LDLRAD3: variants seen among roughly 807,000 people sequenced by gnomAD.
LDLRAD3 encodes low density lipoprotein receptor class A domain containing 3.
Under a neutral mutation model 29.4 loss-of-function variants are expected in LDLRAD3, and 20 were observed. The ratio of observed to expected loss-of-function variants is 0.68; its 90% confidence interval spans 0.48 to 0.99. The LOEUF (loss-of-function observed/expected upper bound fraction) is 0.99, where lower values mean the gene tolerates loss of function less well. Ranked by LOEUF, LDLRAD3 falls within the 50% of genes least tolerant of loss-of-function variation. The pLI is 0.00. For synonymous variants in LDLRAD3, 157 were observed against 192.7 expected, an observed-to-expected ratio of 0.81 and a Z score of 1.53; for missense variants, 420 against 454.3, an observed-to-expected ratio of 0.92 and a Z score of 0.69.
At chr11:36,001,384 T>C (rs1272159347) in intron 1 of LDLRAD3, among the ~76,000 whole-genome samples, 1 of 152,198 alleles carries the variant, frequency 6.6e-6, no homozygotes, top group African/African-American at 2.4e-5. Context: ...ATATGTAAAA[T>C]ATCTATTATA....
chr11:36,030,655 T>A (rs1371186449), intron 1 of LDLRAD3, among the ~76,000 whole-genome samples: 1 of 152,190 alleles, frequency 6.6e-6, no homozygotes, highest in African/African-American at 2.4e-5. Context: ...TACCTATGTA[T>A]GGGTGTCTGT....
At chr11:36,173,293 C>T (rs897562968) in intron 4 of LDLRAD3, among the ~76,000 whole-genome samples, 1 of 150,788 alleles carries the variant, frequency 6.6e-6, no homozygotes, top group Non-Finnish European at 1.5e-5. Context: ...CCCATTAACT[C>T]GTCATTTACA....
At chr11:35,959,721 C>T (rs263084) in intron 1 of LDLRAD3, among the ~76,000 whole-genome samples, 2 of 151,822 alleles carry the variant, frequency 1.3e-5, no homozygotes, top group African/African-American at 2.4e-5. Context: ...CAGGAGTTCG[C>T]GACCAGCCTG....
intron 4 of LDLRAD3, among the ~76,000 whole-genome samples, chr11:36,142,650 TGGTGCACCC>T (rs924335337): frequency 3.4e-4 from 52 of 152,202 alleles, no homozygotes; most frequent in Admixed American, 9.8e-4. Context: ...GGAGGGGCAG[TGGTGCACCC>T]GGTGCAGCCG....
chr11:36,011,982 G>A (rs1004004555), intron 1 of LDLRAD3, among the ~76,000 whole-genome samples: 12 of 152,084 alleles, frequency 7.9e-5, no homozygotes, highest in South Asian at 2.1e-4. Context: ...AGGCAGGTAC[G>A]GTCATAGAAG....
intron 4 of LDLRAD3, among the ~76,000 whole-genome samples, chr11:36,122,465 C>T (rs1487253184): frequency 2.0e-5 from 3 of 152,226 alleles, no homozygotes; most frequent in Admixed American, 6.5e-5. Flanking sequence ...AGTGTAATAA[C>T]GTTGGTAAAG....
rs181317208 is a variant in LDLRAD3 at position 36,052,376 on chromosome 11, A to G, written c.193+16127A>G. Among the ~76,000 whole-genome samples the G allele has an allele frequency of 2.2e-4, 34 of 152,308 alleles. No individual in the cohort carries two copies. The East Asian group carries it at 2.7e-3, about 12-fold the overall frequency. ...CTTGTTGCAATGCCCATGAGAGGAG[A>G]TGACTTTATCTGAGCCAGAAATGAA... On this transcript the variant is annotated intron_variant, in intron 2 of 5. Coordinates refer to ENST00000315571, the MANE Select transcript of LDLRAD3 (RefSeq NM_174902.4).
intron 4 of LDLRAD3, among the ~76,000 whole-genome samples, chr11:36,195,960 T>G (rs754982413): frequency 6.6e-6 from 1 of 151,660 alleles, no homozygotes; most frequent in Non-Finnish European, 1.5e-5. Context: ...AAGCATCACC[T>G]GATTCAAGGA....
chr11:36,039,954 T>A lies in LDLRAD3; in HGVS notation c.193+3705T>A, dbSNP rs141684366. Among the ~76,000 whole-genome samples the A allele has an allele frequency of 2.2e-4, 33 of 152,334 alleles. No homozygotes were observed. The East Asian group carries it at 6.0e-3, about 28-fold the overall frequency. On this transcript the variant is annotated intron_variant, in intron 2 of 5. Coordinates refer to ENST00000315571, the MANE Select transcript of LDLRAD3 (RefSeq NM_174902.4). ...ACCAACTTGACCACCTTTTCAAGGATGATGGAAACGGCTGATGTGGAATTT... is the reference window on the plus strand; with the variant it reads ...ACCAACTTGACCACCTTTTCAAGGAAGATGGAAACGGCTGATGTGGAATTT...
chr11:35,947,516 A>G (rs7936527), intron 1 of LDLRAD3, among the ~76,000 whole-genome samples: 34,154 of 151,790 alleles, frequency 0.23, 3,965 homozygotes, highest in East Asian at 0.37. Flanking sequence ...AAAAAAAAGA[A>G]AAAAGAATTG....
At chr11:36,123,581 C>G (rs561572377) in intron 4 of LDLRAD3, among the ~76,000 whole-genome samples, 11 of 152,370 alleles carry the variant, frequency 7.2e-5, no homozygotes, top group Admixed American at 3.9e-4. Flanking sequence ...TATTCTATCT[C>G]CAGCCAGAGA....
intron 4 of LDLRAD3, among the ~76,000 whole-genome samples, chr11:36,104,126 C>T (rs1257725262): frequency 6.6e-6 from 1 of 152,194 alleles, no homozygotes; most frequent in Non-Finnish European, 1.5e-5. Context: ...AGCTCTCTCC[C>T]ACTCTTGAGG....
intron 4 of LDLRAD3, among the ~76,000 whole-genome samples, chr11:36,195,668 C>T (rs1855022275): frequency 6.6e-6 from 1 of 152,112 alleles, no homozygotes. Flanking sequence ...AGACTTGTGC[C>T]TGTGTATATT....
intron 2 of LDLRAD3, among the ~76,000 whole-genome samples, chr11:36,054,580 T>C (rs1434272755): frequency 1.3e-5 from 2 of 152,248 alleles, no homozygotes; most frequent in Non-Finnish European, 2.9e-5. Context: ...AGGATTGACA[T>C]CACCCAGTTC....
At chr11:35,957,409 A>G (rs1016675879) in intron 1 of LDLRAD3, among the ~76,000 whole-genome samples, 1 of 152,186 alleles carries the variant, frequency 6.6e-6, no homozygotes, top group Admixed American at 6.5e-5. Context: ...ATCCTTGTCT[A>G]TATGTAGGAG....
chr11:36,212,079 G>A (rs1029183414), intron 4 of LDLRAD3, among the ~76,000 whole-genome samples: 3 of 152,196 alleles, frequency 2.0e-5, no homozygotes, highest in African/African-American at 7.2e-5. Context: ...GTTCTTTAGA[G>A]CCTTCCTTAT....
Position 36,229,148 on chromosome 11 carries a change from TC to T in LDLRAD3, c.801-8del. The T allele has an allele frequency of 6.3e-7, 1 of 1,594,226 alleles. No homozygotes were observed. The highest frequency in any genetic ancestry group is 8.6e-7 in the Non-Finnish European group (1 of 1,162,236). On this transcript the variant is annotated splice_polypyrimidine_tract_variant and intron_variant, in intron 5 of 5. Transcript: ENST00000315571. ...CTCCATTGCCCCTGCCCCCCTGCTGTCCCCATCACAGGCCTGCGTGGTATGA... is the reference window on the plus strand; with the variant it reads ...CTCCATTGCCCCTGCCCCCCTGCTGTCCCATCACAGGCCTGCGTGGTATGA...
At position 36,229,234 on chromosome 11, in the gene LDLRAD3, C is replaced by A. The variant is rs202242031; in HGVS notation, c.875C>A (p.Pro292His). 3 of 1,614,024 alleles carry A rather than the reference C, an allele frequency of 1.9e-6. No individual in the cohort carries two copies. The highest frequency in any genetic ancestry group is 2.5e-6 in the Non-Finnish European group (3 of 1,180,034). Residue 292 changes from proline (P) to histidine (H), a missense_variant, in exon 6 of 6, where the codon CCC (proline) becomes CAC (histidine). By Grantham distance (77) the Pro-to-His change is moderately conservative. This residue lies in a region of LDLRAD3 where 140 missense variants were observed against 139.9 expected (regional missense o/e 1.00). Coordinates refer to ENST00000315571, the MANE Select transcript of LDLRAD3 (RefSeq NM_174902.4). ...TCTCTGAACCAAGCCGACCTGCCCCCCTACCGCTCCCGGTCCGGGAGTGCC... is the reference window on the plus strand; with the variant it reads ...TCTCTGAACCAAGCCGACCTGCCCCACTACCGCTCCCGGTCCGGGAGTGCC... ...TESLNQADLP[P>H]YRSRSGSANS...
chr11:36,156,585 C>T (rs965014245), intron 4 of LDLRAD3, among the ~76,000 whole-genome samples: 1 of 152,224 alleles, frequency 6.6e-6, no homozygotes, highest in Non-Finnish European at 1.5e-5. Context: ...TTTACCCACA[C>T]ACAGCCTTCT....
Sources: gnomAD v4.1 joint callset for allele counts (sites outside exome capture counted in the v4.1 genomes callset) on GRCh38, gnomAD v4.1.1 for gene constraint, gnomAD v4.1.1 regional missense constraint, MANE v1.5 for transcripts, NCBI Gene and HGNC (gene_info 2026-07-23, HGNC 2026-07-21) for gene names.